The following ANXA8 variants were observed in gnomAD, a reference collection of about 807,000 sequenced individuals.
ANXA8 encodes the protein annexin A8.
In ANXA8, 9 loss-of-function variants were observed where a neutral mutation model predicts 26.8. That is an observed-to-expected ratio of 0.34 (90% CI 0.20 to 0.59). The LOEUF is 0.59. Among genes scored for constraint, ANXA8 ranks in the 20% least tolerant of loss-of-function variants. ANXA8 has a pLI of 0.84. For synonymous variants in ANXA8, 39 were observed against 94.8 expected, an observed-to-expected ratio of 0.41 and a Z score of 3.42; for missense variants, 83 against 238.5, an observed-to-expected ratio of 0.35 and a Z score of 4.29.
the ANXA8 span, chr10:47,502,965 C>G: frequency 6.3e-7 from 1 of 1,580,716 alleles, no homozygotes; most frequent in Non-Finnish European, 8.6e-7. Context: ...GCGGGTTGAG[C>G]TTGGGGCTGG....
At chr10:47,492,971 T>A in the ANXA8 span, among the ~76,000 whole-genome samples, 660 of 151,368 alleles carry the variant, frequency 4.4e-3, 21 homozygotes, top group African/African-American at 0.015. Flanking sequence ...CCTCCCAGCC[T>A]GGGACTCGGG....
chr10:47,977,325 G>A, the ANXA8 span, among the ~76,000 whole-genome samples: 1 of 150,318 alleles, frequency 6.7e-6, no homozygotes, highest in African/African-American at 2.4e-5. Flanking sequence ...ACAACAAATT[G>A]TGAAGAGGGG....
chr10:47,492,355 G>A, the ANXA8 span, among the ~76,000 whole-genome samples: 1 of 147,606 alleles, frequency 6.8e-6, no homozygotes, highest in Admixed American at 6.8e-5. Flanking sequence ...GGCTCTGTGA[G>A]GTCAGCAGTG....
the ANXA8 span, among the ~76,000 whole-genome samples, chr10:47,755,555 CTTTTT>C: frequency 1.4e-4 from 12 of 82,998 alleles, no homozygotes; most frequent in African/African-American, 4.8e-4. Context: ...GTGCCCGGCC[CTTTTT>C]TTTTTTTTTT....
At chr10:47,704,603 T>C in the ANXA8 span, among the ~76,000 whole-genome samples, 5 of 151,260 alleles carry the variant, frequency 3.3e-5, no homozygotes, top group African/African-American at 1.2e-4. Flanking sequence ...GAAATAAAAC[T>C]GCCATTATTA....
the ANXA8 span, among the ~76,000 whole-genome samples, chr10:47,621,671 C>G: frequency 2.8e-5 from 3 of 106,128 alleles, no homozygotes; most frequent in Non-Finnish European, 6.1e-5. Flanking sequence ...TATTGAGAGT[C>G]CTAATTAATT....
chr10:47,573,554 G>C, the ANXA8 span, among the ~76,000 whole-genome samples: 39 of 128,104 alleles, frequency 3.0e-4, no homozygotes, highest in Admixed American at 4.2e-4. Context: ...AAAAGGAGTG[G>C]TTAAACAAAG....
the ANXA8 span, among the ~76,000 whole-genome samples, chr10:47,951,439 G>A: frequency 0.019 from 2,788 of 149,408 alleles, 70 homozygotes; most frequent in African/African-American, 0.066. Flanking sequence ...CTTAATTTAT[G>A]GGATCAGCAT....
chr10:47,647,173 A>G, the ANXA8 span, among the ~76,000 whole-genome samples: 6 of 152,250 alleles, frequency 3.9e-5, no homozygotes, highest in African/African-American at 1.2e-4. Flanking sequence ...TAACTGCAAT[A>G]TAAAAGTTAC....
chr10:47,652,548 G>A, the ANXA8 span, among the ~76,000 whole-genome samples: 2 of 150,720 alleles, frequency 1.3e-5, no homozygotes, highest in African/African-American at 2.5e-5. Context: ...AGTGAGCCAA[G>A]GTCACACCAC....
chr10:47,763,998 G>A, the ANXA8 span, among the ~76,000 whole-genome samples: 1 of 151,974 alleles, frequency 6.6e-6, no homozygotes, highest in Non-Finnish European at 1.5e-5. Context: ...TGGTGAACTG[G>A]GGTGCCCCAC....
the ANXA8 span, among the ~76,000 whole-genome samples, chr10:47,743,345 T>TATATATACAC: frequency 3.1e-5 from 3 of 96,540 alleles, no homozygotes; most frequent in African/African-American, 1.1e-4. Context: ...TATATACATA[T>TATATATACAC]ATATATATAC....
the ANXA8 span, among the ~76,000 whole-genome samples, chr10:47,505,390 G>C: frequency 9.7e-6 from 1 of 102,672 alleles, no homozygotes. Context: ...AACATAGCCT[G>C]AATTTCTTAA....
intron 6 of ANXA8, 96 bp from the exon 7 acceptor site, chr10:47,475,100 T>C: frequency 6.7e-7 from 1 of 1,489,582 alleles, no homozygotes; most frequent in Non-Finnish European, 9.2e-7. Context: ...GGCATGGCTC[T>C]GCTGCTCTTT....
At chr10:47,583,780 A>G in the ANXA8 span, among the ~76,000 whole-genome samples, 2 of 145,278 alleles carry the variant, frequency 1.4e-5, no homozygotes, top group South Asian at 4.3e-4. Context: ...GCAGAGAGCC[A>G]GAGGACTGTA....
the ANXA8 span, among the ~76,000 whole-genome samples, chr10:47,588,148 A>C: frequency 6.9e-6 from 1 of 144,116 alleles, no homozygotes; most frequent in Non-Finnish European, 1.5e-5. Flanking sequence ...TCTTTATTAA[A>C]GACTACTAAC....
the ANXA8 span, among the ~76,000 whole-genome samples, chr10:47,991,492 C>T: frequency 2.7e-5 from 4 of 146,016 alleles, no homozygotes; most frequent in African/African-American, 1.0e-4. Flanking sequence ...CCATCCCTGC[C>T]GTGGGCACTC....
chr10:47,733,185 C>CTTTCT, the ANXA8 span, among the ~76,000 whole-genome samples: 1 of 113,718 alleles, frequency 8.8e-6, no homozygotes, highest in Middle Eastern at 3.8e-3. Context: ...TTCTTTCTTT[C>CTTTCT]TTTCTTTCTT....
chr10:47,665,443 T>C, the ANXA8 span, among the ~76,000 whole-genome samples: 1 of 151,294 alleles, frequency 6.6e-6, no homozygotes, highest in South Asian at 2.1e-4. Flanking sequence ...GAAGACATTC[T>C]TTCAGTTGGA....
Sources: gnomAD v4.1 joint callset for allele counts (sites outside exome capture counted in the v4.1 genomes callset) on GRCh38, gnomAD v4.1.1 for gene constraint, MANE v1.5 for transcripts, NCBI Gene and HGNC (gene_info 2026-07-23, HGNC 2026-07-21) for gene names.